The following NOL4 variants were observed in gnomAD, a reference collection of about 807,000 sequenced individuals.
NOL4 encodes nucleolar protein 4, also known as cancer/testis antigen 125.
Under a neutral mutation model 75.9 loss-of-function variants are expected in NOL4, and 17 were observed. That is an observed-to-expected ratio of 0.22 (90% CI 0.15 to 0.34). The LOEUF (loss-of-function observed/expected upper bound fraction) is 0.34, where lower values mean the gene tolerates loss of function less well. Among genes scored for constraint, NOL4 ranks in the 10% least tolerant of loss-of-function variants. NOL4 has a pLI of 1.00. For missense variants in NOL4, 614 were observed against 793.5 expected, an observed-to-expected ratio of 0.77 and a Z score of 2.72; for synonymous variants, 292 against 289.9, an observed-to-expected ratio of 1.01 and a Z score of -0.07.
At chr18:34,070,395 T>C (rs978282343) in intron 5 of NOL4, among the ~76,000 whole-genome samples, 2 of 152,236 alleles carry the variant, frequency 1.3e-5, no homozygotes, top group Non-Finnish European at 2.9e-5. Flanking sequence ...GAAAACGTGA[T>C]GGTGGCTGAC....
intron 5 of NOL4, among the ~76,000 whole-genome samples, chr18:34,036,972 A>G (rs2144741805): frequency 6.6e-6 from 1 of 152,324 alleles, no homozygotes; most frequent in East Asian, 1.9e-4. Context: ...TTGCAAAAAC[A>G]AAGAAGGTAA....
intron 5 of NOL4, among the ~76,000 whole-genome samples, chr18:34,086,304 C>T (rs2078240543): frequency 1.3e-5 from 2 of 152,202 alleles, no homozygotes; most frequent in South Asian, 2.1e-4. Flanking sequence ...AATCAACATC[C>T]TTTTAACAAT....
chr18:34,095,501 A>G (rs938928332), intron 4 of NOL4, among the ~76,000 whole-genome samples: 2 of 152,096 alleles, frequency 1.3e-5, no homozygotes, highest in African/African-American at 4.8e-5. Context: ...TCAGGTCCAT[A>G]TTCTGCCAGT....
intron 9 of NOL4, among the ~76,000 whole-genome samples, chr18:33,885,788 A>T (rs2064604074): frequency 6.6e-6 from 1 of 152,300 alleles, no homozygotes; most frequent in African/African-American, 2.4e-5. Flanking sequence ...TAAAAATTGC[A>T]CTACCATCTG....
chr18:33,985,913 C>G (rs1029063277), intron 6 of NOL4, among the ~76,000 whole-genome samples: 1 of 152,084 alleles, frequency 6.6e-6, no homozygotes, highest in African/African-American at 2.4e-5. Context: ...CACCTACTTA[C>G]ATTTTACAGA....
At chr18:33,971,025 CT>C (rs2071013136) in intron 6 of NOL4, among the ~76,000 whole-genome samples, 1 of 151,966 alleles carries the variant, frequency 6.6e-6, no homozygotes, top group African/African-American at 2.4e-5. Context: ...AAGGACAGAC[CT>C]TTTCATTTTG....
chr18:33,883,326 G>T lies in NOL4; in HGVS notation c.1641C>A (p.Ile547=). Residue 547 remains isoleucine, a synonymous_variant, in exon 10 of 11, where the codon ATC becomes ATA. Transcript: ENST00000261592. ...GGTAACTATAGGTCCCATTTCCATT[G>T]ATGTACAGCACGTCCTGTGAGCCTG... ...AVPGSQDVLY[I]NGNGTYSYHS... The T allele has an allele frequency of 6.2e-7, 1 of 1,613,200 alleles. No homozygotes were observed. Among genetic ancestry groups the T allele is most frequent in the South Asian group, 1.1e-5 (1 of 91,034 alleles).
chr18:34,018,664 A>T (rs978920537), intron 6 of NOL4, among the ~76,000 whole-genome samples: 2 of 152,028 alleles, frequency 1.3e-5, no homozygotes, highest in Non-Finnish European at 2.9e-5. Context: ...AAGCTTAATT[A>T]AAAAAAAGTC....
At chr18:33,917,350 A>G (rs1421317093) in intron 9 of NOL4, among the ~76,000 whole-genome samples, 4 of 152,104 alleles carry the variant, frequency 2.6e-5, no homozygotes, top group African/African-American at 4.8e-5. Context: ...GAAGGGGTAC[A>G]GTTCTGTCTG....
chr18:34,118,102 A>C (rs2145811998), intron 2 of NOL4, among the ~76,000 whole-genome samples: 1 of 152,340 alleles, frequency 6.6e-6, no homozygotes, highest in Non-Finnish European at 1.5e-5. Flanking sequence ...ACAATAATTA[A>C]TATAATCACA....
chr18:34,177,407 T>C (rs1013605265), intron 1 of NOL4, among the ~76,000 whole-genome samples: 4 of 151,960 alleles, frequency 2.6e-5, no homozygotes, highest in African/African-American at 7.2e-5. Context: ...GTTGTACATA[T>C]GAAATATGTA....
At chr18:34,082,866 T>A (rs2078073500) in intron 5 of NOL4, among the ~76,000 whole-genome samples, 1 of 152,194 alleles carries the variant, frequency 6.6e-6, no homozygotes, top group Non-Finnish European at 1.5e-5. Flanking sequence ...TGTTAGTGAA[T>A]TAACCTCATA....
At chr18:34,139,256 C>A (rs867577404) in intron 1 of NOL4, among the ~76,000 whole-genome samples, 1 of 152,100 alleles carries the variant, frequency 6.6e-6, no homozygotes, top group African/African-American at 2.4e-5. Flanking sequence ...GGAATGGTAC[C>A]AGCTCCTCCT....
chr18:33,984,073 C>T (rs2072229150), intron 6 of NOL4, among the ~76,000 whole-genome samples: 2 of 152,004 alleles, frequency 1.3e-5, no homozygotes, highest in African/African-American at 4.8e-5. Flanking sequence ...CATAGGAAAT[C>T]GAGTCCTCAT....
chr18:33,977,925 G>A (rs2071633937), intron 6 of NOL4, among the ~76,000 whole-genome samples: 1 of 152,124 alleles, frequency 6.6e-6, no homozygotes, highest in African/African-American at 2.4e-5. Context: ...TGGAAGTCTA[G>A]GCCTTGGAGA....
intron 1 of NOL4, among the ~76,000 whole-genome samples, chr18:34,142,687 G>A (rs1053393982): frequency 1.3e-5 from 2 of 152,090 alleles, no homozygotes; most frequent in South Asian, 4.1e-4. Context: ...GTTGTGGGGT[G>A]GGGGGAGGAT....
At chr18:34,155,197 A>G (rs1469023651) in intron 1 of NOL4, among the ~76,000 whole-genome samples, 1 of 152,016 alleles carries the variant, frequency 6.6e-6, no homozygotes, top group Non-Finnish European at 1.5e-5. Flanking sequence ...ATATTTGAAA[A>G]ATATGAGAAT....
chr18:33,869,213 G>A (rs991154221), intron 10 of NOL4, among the ~76,000 whole-genome samples: 6 of 151,622 alleles, frequency 4.0e-5, no homozygotes, highest in Non-Finnish European at 8.8e-5. Context: ...TATTTATAAG[G>A]TATATATTTA....
chr18:34,137,573 T>C (rs2080944773), intron 1 of NOL4, among the ~76,000 whole-genome samples: 1 of 152,012 alleles, frequency 6.6e-6, no homozygotes, highest in Admixed American at 6.6e-5. Flanking sequence ...CAAATCAAAA[T>C]AACAATGAAA....
Sources: allele counts gnomAD v4.1 joint callset (sites outside exome capture counted in the v4.1 genomes callset), GRCh38; gene constraint gnomAD v4.1.1; transcripts MANE v1.5; gene names NCBI Gene and HGNC (gene_info 2026-07-23, HGNC 2026-07-21).